The following STAG1 variants were observed in gnomAD, a reference collection of about 807,000 sequenced individuals.
The protein encoded by STAG1 is cohesin subunit SA-1.
STAG1 carries 26 observed loss-of-function variants against 170.9 expected under a neutral mutation model. That is an observed-to-expected ratio of 0.15 (90% CI 0.11 to 0.21). STAG1 has a LOEUF of 0.21. STAG1 is among the 10% of genes least tolerant of loss of function. The pLI is 1.00. For missense variants in STAG1, 964 were observed against 1,509.5 expected (o/e 0.64, Z 5.99); for synonymous variants, 514 against 497.7 (o/e 1.03, Z -0.44).
chr3:136,560,765 T>C (rs1224091720), intron 5 of STAG1, among the ~76,000 whole-genome samples: 1 of 152,176 alleles, frequency 6.6e-6, no homozygotes, highest in Non-Finnish European at 1.5e-5. Context: ...AAACCAATAC[T>C]GCACCTTAGG....
intron 1 of STAG1, among the ~76,000 whole-genome samples, chr3:136,656,645 G>GTGTGTGTGTGTT: frequency 6.6e-6 from 1 of 151,544 alleles, no homozygotes; most frequent in African/African-American, 2.4e-5. Context: ...GTGTGTGTGT[G>GTGTGTGTGTGTT]TATCAAACCT....
At chr3:136,554,118 A>G (rs952210419) in intron 5 of STAG1, among the ~76,000 whole-genome samples, 1 of 152,188 alleles carries the variant, frequency 6.6e-6, no homozygotes, top group African/African-American at 2.4e-5. Context: ...TTTTAGAGAA[A>G]AAAAAGTATT....
In STAG1 at chr3:136,358,088, A is replaced by AT. The variant is rs68065485; in HGVS notation, c.2937-241dup. On this transcript the variant is annotated intron_variant, in intron 27 of 33. Coordinates refer to ENST00000383202, the MANE Select transcript of STAG1 (RefSeq NM_005862.3). ...TACAGAGCAACAAAGCTAAATTCGT[A>AT]TTTTTTTTTTTTTTTTTGAGACAAG... 5.9e-3 allele frequency among the ~76,000 whole-genome samples: 836 copies of AT among 140,684 alleles called. 6 individuals are homozygous for AT. Among genetic ancestry groups the AT allele is most frequent in the East Asian group, 8.4e-3 (41 of 4,880 alleles). 92.3% of individuals were successfully genotyped at this position (140,684 alleles called of 152,430 possible). A position where few individuals can be genotyped will look rare whatever the true frequency, so the allele number is the denominator to read the frequency against.
intron 9 of STAG1, among the ~76,000 whole-genome samples, chr3:136,478,377 T>C (rs935013835): frequency 1.3e-5 from 2 of 152,190 alleles, no homozygotes; most frequent in African/African-American, 2.4e-5. Flanking sequence ...ATACAATCTC[T>C]GTGAATTGTA....
At chr3:136,596,920 A>G (rs187886370) in intron 4 of STAG1, among the ~76,000 whole-genome samples, 1 of 152,212 alleles carries the variant, frequency 6.6e-6, no homozygotes, top group Admixed American at 6.5e-5. Flanking sequence ...TAAAAATACA[A>G]AAAATTTAGC....
intron 5 of STAG1, among the ~76,000 whole-genome samples, chr3:136,547,825 C>G (rs1936221183): frequency 6.6e-6 from 1 of 152,170 alleles, no homozygotes; most frequent in Admixed American, 6.5e-5. Flanking sequence ...CCTATGTTTT[C>G]TTCTAAGAGT....
chr3:136,653,583 G>T (rs1377833764), intron 1 of STAG1, among the ~76,000 whole-genome samples: 1 of 151,794 alleles, frequency 6.6e-6, no homozygotes, highest in African/African-American at 2.4e-5. Context: ...TCACCAAAAG[G>T]GTGGGAACTA....
chr3:136,730,317 T>C (rs1301819380), intron 1 of STAG1, among the ~76,000 whole-genome samples: 1 of 152,214 alleles, frequency 6.6e-6, no homozygotes, highest in Non-Finnish European at 1.5e-5. Flanking sequence ...TATAGGTTAG[T>C]AAAAATAAAG....
intron 9 of STAG1, among the ~76,000 whole-genome samples, chr3:136,489,770 A>C (rs749469886): frequency 6.6e-6 from 1 of 152,236 alleles, no homozygotes; most frequent in Non-Finnish European, 1.5e-5. Context: ...TTATTAGACT[A>C]AGAACTTGAG....
At chr3:136,501,628 G>C (rs1369266363) in intron 8 of STAG1, among the ~76,000 whole-genome samples, 2 of 152,172 alleles carry the variant, frequency 1.3e-5, no homozygotes, top group Non-Finnish European at 2.9e-5. Flanking sequence ...CTGCAAGCCT[G>C]TGAGATTATA....
intron 6 of STAG1, among the ~76,000 whole-genome samples, chr3:136,527,047 C>T (rs879374929): frequency 2.0e-4 from 30 of 152,242 alleles, no homozygotes; most frequent in East Asian, 3.9e-4. Context: ...ATTTCAACTT[C>T]GGTGAATCTG....
At position 136,336,441 on chromosome 3, in the gene STAG1, G is replaced by GTAGTC. The variant is rs1447941490; in HGVS notation, c.*1808_*1812dup. 1 of 152,216 alleles carries GTAGTC rather than the reference G, an allele frequency of 6.6e-6. No individual in the cohort carries two copies. The highest frequency in any genetic ancestry group is 2.4e-5 in the African/African-American group (1 of 41,452). The allele number at this position is 152,216 out of a possible 1,614,324, so 9.4% of individuals were successfully genotyped here. A position where few individuals can be genotyped will look rare whatever the true frequency, so the allele number is the denominator to read the frequency against. On this transcript the variant is annotated 3_prime_UTR_variant, in exon 34 of 34. Coordinates refer to ENST00000383202, the MANE Select transcript of STAG1 (RefSeq NM_005862.3). ...ATATTTAGCCTTTTTGTGTGGCATG[G>GTAGTC]TAGTCTACAATTCTGTCAGCATCTG...
chr3:136,716,305 A>T (rs903259592), intron 1 of STAG1, among the ~76,000 whole-genome samples: 2 of 151,834 alleles, frequency 1.3e-5, no homozygotes, highest in Non-Finnish European at 2.9e-5. Flanking sequence ...CTAAAAAAAA[A>T]TACAAAAATT....
intron 22 of STAG1, among the ~76,000 whole-genome samples, chr3:136,395,998 G>A (rs1298937947): frequency 6.6e-6 from 1 of 151,916 alleles, no homozygotes; most frequent in Non-Finnish European, 1.5e-5. Context: ...CTAGCTCCCA[G>A]GTTCAAGCGA....
chr3:136,659,813 T>C (rs892668603), intron 1 of STAG1, among the ~76,000 whole-genome samples: 3 of 152,136 alleles, frequency 2.0e-5, no homozygotes, highest in African/African-American at 7.2e-5. Flanking sequence ...TGAATGAACA[T>C]ATGCTATAAT....
In STAG1 at chr3:136,543,749, G is replaced by A. The variant is rs1406300979; in HGVS notation, c.395-1554C>T. The stretch of plus-strand genomic sequence containing the variant: ...TTTCTTCAATGTTCTAACTGCTACT[G>A]CCTGGAACATTACTTAGCACATGGG... On this transcript the variant is annotated intron_variant, in intron 5 of 33. Coordinates refer to ENST00000383202, the MANE Select transcript of STAG1 (RefSeq NM_005862.3). Among the ~76,000 whole-genome samples, 4 of 152,172 alleles carry A rather than the reference G, an allele frequency of 2.6e-5. No individual in the cohort carries two copies. In the East Asian group the frequency reaches 5.8e-4, roughly 22 times the overall value.
rs1157402968 is a variant in STAG1 at position 136,396,209 on chromosome 3, G to GTTTT, written c.2277+2536_2277+2539dup. ...GAGCCGCCAGGCCCAGTGTAACACAGTTTTTTTTTTTTTTTTTTTTTTTTG... is the reference window on the plus strand; with the variant it reads ...GAGCCGCCAGGCCCAGTGTAACACAGTTTTTTTTTTTTTTTTTTTTTTTTTTTTG... On this transcript the variant is annotated intron_variant, in intron 22 of 33. Coordinates refer to ENST00000383202, the MANE Select transcript of STAG1 (RefSeq NM_005862.3). Among the ~76,000 whole-genome samples the GTTTT allele has an allele frequency of 1.9e-3, 163 of 87,928 alleles. 3 individuals are homozygous for GTTTT. The highest frequency in any genetic ancestry group is 6.2e-3 in the East Asian group (15 of 2,408). 57.7% of individuals were successfully genotyped at this position (87,928 alleles called of 152,430 possible). A position where few individuals can be genotyped will look rare whatever the true frequency, so the allele number is the denominator to read the frequency against.
intron 1 of STAG1, among the ~76,000 whole-genome samples, chr3:136,649,503 C>CAAAAAAAAAAAAAAAAAAAAAAAA (rs761067087): frequency 2.8e-5 from 2 of 70,870 alleles, no homozygotes; most frequent in Non-Finnish European, 6.1e-5. Context: ...AAAACAGAAA[C>CAAAAAAAAAAAAAAAAAAAAAAAA]AAAAAAAAAA....
chr3:136,392,627 G>A (rs2087038232), intron 22 of STAG1, among the ~76,000 whole-genome samples: 1 of 151,938 alleles, frequency 6.6e-6, no homozygotes, highest in African/African-American at 2.4e-5. Context: ...TCAGCCAAGC[G>A]TGGTGGCATG....
Sources: allele counts gnomAD v4.1 joint callset (sites outside exome capture counted in the v4.1 genomes callset), GRCh38; gene constraint gnomAD v4.1.1; transcripts MANE v1.5; gene names NCBI Gene and HGNC (gene_info 2026-07-23, HGNC 2026-07-21).